The following CCNB3 variants were observed in gnomAD, a reference collection of about 807,000 sequenced individuals.
CCNB3 encodes G2/mitotic-specific cyclin-B3.
A neutral mutation model predicts 68.0 loss-of-function variants in CCNB3; 12 were observed. That is an observed-to-expected ratio of 0.18 (90% CI 0.11 to 0.29). CCNB3 has a LOEUF of 0.29. Ranked by LOEUF, CCNB3 falls within the 10% of genes least tolerant of loss-of-function variation. The pLI is 1.00. For synonymous variants in CCNB3, 354 were observed against 388.9 expected, an observed-to-expected ratio of 0.91 and a Z score of 1.06; for missense variants, 904 against 993.1, an observed-to-expected ratio of 0.91 and a Z score of 1.21.
rs143042560 is a variant in CCNB3, at chrX:50,309,737, C to T, written c.1568C>T (p.Pro523Leu). 214 of 1,207,680 alleles carry T rather than the reference C, an allele frequency of 1.8e-4. No homozygotes were observed. The highest frequency in any genetic ancestry group is 2.0e-4 in the Non-Finnish European group (176 of 894,224). Residue 523 changes from proline (P) to leucine (L), a missense_variant, in exon 6 of 13, where the codon CCA becomes CTA. Physicochemically the swap from Pro to Leu is moderately conservative, Grantham distance 98. Transcript: ENST00000376042. ...TSGEKSLIKEPLPFKEEKVSL... is the reference protein window; with the variant it reads ...TSGEKSLIKELLPFKEEKVSL... ...GGAGAAAAGTCACTTATTAAGGAGC[C>T]ACTGCCCTTTAAAGAAGAAAAAGTG...
chrX:50,291,923 A>G (rs1371343287), intron 4 of CCNB3, among the ~76,000 whole-genome samples: 5 of 111,378 alleles, frequency 4.5e-5, no homozygotes, highest in Non-Finnish European at 9.4e-5. Context: ...TTTTTTTTCT[A>G]CATTTAACTT....
At chrX:50,297,272 T>G (rs1268488422) in intron 5 of CCNB3, among the ~76,000 whole-genome samples, 11 of 111,889 alleles carry the variant, frequency 9.8e-5, no homozygotes, top group Middle Eastern at 4.7e-3. Flanking sequence ...GGTCTAACAT[T>G]TAAGTCTTTA....
intron 8 of CCNB3, among the ~76,000 whole-genome samples, chrX:50,335,571 A>T (rs1922808350): frequency 9.0e-6 from 1 of 111,718 alleles, no homozygotes; most frequent in African/African-American, 3.3e-5. Context: ...TGGGAACCGG[A>T]TACTGCTTTT....
chrX:50,317,081 C>G (rs1176761101), intron 8 of CCNB3, among the ~76,000 whole-genome samples: 2 of 112,481 alleles, frequency 1.8e-5, no homozygotes, highest in African/African-American at 6.5e-5. Flanking sequence ...GCTCTGCATT[C>G]TTGTCAGCAC....
At chrX:50,209,645 T>G (rs1935451150) in intron 1 of CCNB3, among the ~76,000 whole-genome samples, 1 of 112,291 alleles carries the variant, frequency 8.9e-6, no homozygotes, top group Admixed American at 9.4e-5. Context: ...CATGAGCCAC[T>G]GCGCCTGGCC....
intron 1 of CCNB3, among the ~76,000 whole-genome samples, chrX:50,226,423 T>A (rs1935804155): frequency 2.5e-4 from 8 of 31,616 alleles, no homozygotes; most frequent in African/African-American, 1.1e-3. Context: ...AATATATATG[T>A]AGAATATATA....
rs782461804 is a variant in CCNB3, at chrX:50,313,736, C to T, written c.3424-120C>T. 1.2e-5 allele frequency: 6 copies of T among 480,664 alleles called. No homozygotes were observed. The South Asian group carries it at 2.5e-4, about 20-fold the overall frequency. 39.6% of individuals were successfully genotyped at this position (480,664 alleles called of 1,213,427 possible). On this transcript the variant is annotated intron_variant, in intron 7 of 12. Coordinates refer to ENST00000376042, the MANE Select transcript of CCNB3 (RefSeq NM_033031.3). ...TGGAAAAGGATACTTTGATCTGCCCCTCTCTAATACCAGTTGAAAACAAGG... is the reference window on the plus strand; with the variant it reads ...TGGAAAAGGATACTTTGATCTGCCCTTCTCTAATACCAGTTGAAAACAAGG...
At chrX:50,317,986 CAT>C (rs1263569165) in intron 8 of CCNB3, among the ~76,000 whole-genome samples, 2 of 110,902 alleles carry the variant, frequency 1.8e-5, no homozygotes, top group Non-Finnish European at 3.8e-5. Context: ...TCTTTTTTTG[CAT>C]ATGAGTGTCT....
intron 8 of CCNB3, among the ~76,000 whole-genome samples, chrX:50,328,120 A>G (rs1438715888): frequency 3.6e-5 from 4 of 112,058 alleles, no homozygotes; most frequent in East Asian, 2.8e-4. Flanking sequence ...TGACACCTTG[A>G]TTTTTAACCC....
chrX:50,220,907 C>G (rs1318793791), intron 1 of CCNB3, among the ~76,000 whole-genome samples: 1 of 111,139 alleles, frequency 9.0e-6, no homozygotes, highest in Non-Finnish European at 1.9e-5. Flanking sequence ...TGGTCCTGGG[C>G]TTTTTTTGGT....
chrX:50,221,006 G>T (rs946918735), intron 1 of CCNB3, among the ~76,000 whole-genome samples: 1 of 111,304 alleles, frequency 9.0e-6, no homozygotes, highest in African/African-American at 3.3e-5. Flanking sequence ...TCTTGGGAGG[G>T]TGTACGTGTC....
intron 4 of CCNB3, among the ~76,000 whole-genome samples, chrX:50,289,776 T>C: frequency 8.9e-6 from 1 of 111,954 alleles, no homozygotes; most frequent in East Asian, 2.8e-4. Flanking sequence ...TGCCCTGCAT[T>C]ATGTAGTATA....
intron 8 of CCNB3, 176 bp from the exon 9 acceptor site, chrX:50,342,026 A>G (rs1557219689): frequency 6.4e-6 from 3 of 465,762 alleles, no homozygotes; most frequent in East Asian, 7.6e-5. Context: ...AGTGTCCTCA[A>G]AGGCACAGGA....
intron 5 of CCNB3, among the ~76,000 whole-genome samples, chrX:50,297,956 A>G (rs1233161931): frequency 6.3e-5 from 7 of 111,523 alleles, no homozygotes; most frequent in South Asian, 3.7e-4. Context: ...GTATAAGAAT[A>G]CTTGTGATTT....
At chrX:50,227,150 C>A (rs1935869876) in intron 1 of CCNB3, among the ~76,000 whole-genome samples, 1 of 69,973 alleles carries the variant, frequency 1.4e-5, no homozygotes, top group Non-Finnish European at 2.5e-5. Flanking sequence ...AATATATATA[C>A]AATATATGTA....
chrX:50,351,016 T>G (rs1923651118), intron 11 of CCNB3, among the ~76,000 whole-genome samples: 1 of 111,710 alleles, frequency 9.0e-6, no homozygotes, highest in East Asian at 2.8e-4. Context: ...AATATCTAAC[T>G]GGTACGTATG....
intron 1 of CCNB3, among the ~76,000 whole-genome samples, chrX:50,215,377 T>C (rs917471838): frequency 0.013 from 1,468 of 111,624 alleles, 35 homozygotes; most frequent in African/African-American, 0.046. Flanking sequence ...ATTCTTATTT[T>C]ATTTGCTGAG....
intron 9 of CCNB3, among the ~76,000 whole-genome samples, chrX:50,345,149 C>T (rs921562658): frequency 1.2e-4 from 13 of 105,176 alleles, no homozygotes; most frequent in Admixed American, 2.0e-4. Flanking sequence ...ATTGTTTTCC[C>T]TCACTCACCA....
intron 1 of CCNB3, among the ~76,000 whole-genome samples, chrX:50,215,257 A>G (rs1325576240): frequency 1.8e-5 from 2 of 110,066 alleles, no homozygotes; most frequent in South Asian, 3.9e-4. Context: ...CCAAAGTGCT[A>G]GGATTACAGG....
Sources: allele counts gnomAD v4.1 joint callset (sites outside exome capture counted in the v4.1 genomes callset), GRCh38; gene constraint gnomAD v4.1.1; transcripts MANE v1.5; gene names NCBI Gene and HGNC (gene_info 2026-07-23, HGNC 2026-07-21).